The following TIMP2 variants were observed in gnomAD, a reference collection of about 807,000 sequenced individuals.
TIMP2 encodes the protein metalloproteinase inhibitor 2.
Under a neutral mutation model 24.3 loss-of-function variants are expected in TIMP2, and 5 were observed. The ratio of observed to expected loss-of-function variants is 0.21; its 90% CI spans 0.11 to 0.43. The LOEUF is 0.43. TIMP2 is among the 20% of genes least tolerant of loss of function. The probability of loss-of-function intolerance (pLI) is 1.00; values close to 1 mark genes in which losing one functional copy is unlikely to be tolerated. For missense variants in TIMP2, 221 were observed against 297.5 expected, an observed-to-expected ratio of 0.74 and a Z score of 1.89; for synonymous variants, 130 against 123.2, an observed-to-expected ratio of 1.06 and a Z score of -0.37.
At position 78,920,943 on chromosome 17, in the gene TIMP2, G is replaced by A. The variant is rs1354107497; in HGVS notation, c.130+4016C>T. On this transcript the variant is annotated intron_variant, in intron 1 of 4. Coordinates refer to ENST00000262768, the MANE Select transcript of TIMP2 (RefSeq NM_003255.5). The surrounding 1 kb of genome is among the most constrained non-coding windows in gnomAD (Gnocchi z 4.5). ...GGGCAGAGGCAGCCACTCCATAATT[G>A]CTTGTTGAAACACAGACAAGCCCAA... Among the ~76,000 whole-genome samples, 1 of 152,100 alleles carries A rather than the reference G, an allele frequency of 6.6e-6. No individual in the cohort carries two copies. Among genetic ancestry groups the A allele is most frequent in the Non-Finnish European group, 1.5e-5 (1 of 68,040 alleles).
intron 1 of TIMP2, among the ~76,000 whole-genome samples, chr17:78,917,362 G>A (rs943760529): frequency 7.9e-5 from 12 of 152,032 alleles, no homozygotes; most frequent in East Asian, 1.9e-4. Flanking sequence ...CCCGGGAGGC[G>A]GAGGTTGCAG....
At chr17:78,894,418 G>A (rs556666491) in intron 1 of TIMP2, among the ~76,000 whole-genome samples, 49 of 152,078 alleles carry the variant, frequency 3.2e-4, no homozygotes, top group Middle Eastern at 6.8e-3. Context: ...TTAGAATAGT[G>A]GTTAATATTA....
At chr17:78,885,409 C>T (rs533491047) in intron 1 of TIMP2, among the ~76,000 whole-genome samples, 147 of 152,352 alleles carry the variant, frequency 9.6e-4, no homozygotes, top group African/African-American at 3.4e-3. Flanking sequence ...ATCTGGGATC[C>T]TCACCGCTGC....
intron 3 of TIMP2, among the ~76,000 whole-genome samples, chr17:78,865,717 G>A (rs898771637): frequency 6.6e-6 from 1 of 151,894 alleles, no homozygotes. Context: ...GCTTGAACCC[G>A]GGAGGCAGAG....
In TIMP2 at chr17:78,882,536, G is replaced by A. The variant is rs578127663; in HGVS notation, c.131-8617C>T. Among the ~76,000 whole-genome samples, 235 of 152,360 alleles carry A rather than the reference G, an allele frequency of 1.5e-3. 9 individuals are homozygous for A. In the South Asian group the frequency reaches 0.047, roughly 30 times the overall value. On this transcript the variant is annotated intron_variant, in intron 1 of 4. Coordinates refer to ENST00000262768, the MANE Select transcript of TIMP2 (RefSeq NM_003255.5). ...TAAATGTTTGTGTGTAACTAATCTC[G>A]TTGGGCTTCAGGATCACAGTAAAGA...
rs770056235 is a variant in TIMP2 at position 78,857,630 on chromosome 17, G to A, written c.357C>T (p.Asp119=). ...EYLIAGKAEG[D]GKMHITLCDF... is the part of the protein sequence containing the mutation. ...CACAGAGGGTGATGTGCATCTTGCC[G>A]TCCCCCTCGGCCTTTCCTGCGGAGA... Residue 119 remains aspartate (D), a synonymous_variant, in exon 4 of 5, where the codon GAC becomes GAT. Transcript: ENST00000262768. 40 of 1,614,016 alleles carry A rather than the reference G, an allele frequency of 2.5e-5. No homozygotes were observed. The highest frequency in any genetic ancestry group is 1.8e-4 in the Admixed American group (11 of 59,996).
At chr17:78,911,938 CCTGAAATCCCAGCTA>C (rs2070212699) in intron 1 of TIMP2, among the ~76,000 whole-genome samples, 1 of 149,956 alleles carries the variant, frequency 6.7e-6, no homozygotes, top group African/African-American at 2.5e-5. Flanking sequence ...GTGGCACACG[CCTGAAATCCCAGCTA>C]CTGGGGAGGC....
chr17:78,860,005 A>G (rs576215496), intron 3 of TIMP2, among the ~76,000 whole-genome samples: 11 of 151,686 alleles, frequency 7.3e-5, no homozygotes, highest in Non-Finnish European at 1.2e-4. Flanking sequence ...ATAAATACAT[A>G]AAATAAAAAA....
chr17:78,894,831 C>G (rs1359234404), intron 1 of TIMP2, among the ~76,000 whole-genome samples: 1 of 151,962 alleles, frequency 6.6e-6, no homozygotes, highest in African/African-American at 2.4e-5. Flanking sequence ...AAAAAAAAAC[C>G]TTTGTGCTTC....
chr17:78,903,686 C>T lies in TIMP2; in HGVS notation c.130+21273G>A, dbSNP rs908771010. Among the ~76,000 whole-genome samples, 23 of 152,140 alleles carry T rather than the reference C, an allele frequency of 1.5e-4. 1 individual carries two copies. The highest frequency in any genetic ancestry group is 5.1e-4 in the African/African-American group (21 of 41,416). ...CACCTGCCCACACAGGAGGAGAAGC[C>T]ACACGTACTTGGCCTCGTTTGAGGG... is the stretch of plus-strand genomic sequence containing the variant. On this transcript the variant is annotated intron_variant, in intron 1 of 4. Coordinates refer to ENST00000262768, the MANE Select transcript of TIMP2 (RefSeq NM_003255.5).
intron 3 of TIMP2, among the ~76,000 whole-genome samples, chr17:78,860,166 ACT>A (rs748523635): frequency 9.9e-5 from 15 of 151,960 alleles, no homozygotes; most frequent in Non-Finnish European, 1.9e-4. Context: ...ACAGAGTAAG[ACT>A]CTGTCTTCAA....
At chr17:78,921,426 G>C (rs1008200606) in intron 1 of TIMP2, among the ~76,000 whole-genome samples, 1 of 152,230 alleles carries the variant, frequency 6.6e-6, no homozygotes, top group African/African-American at 2.4e-5. Context: ...CAAGCCAGAG[G>C]AGAGGTTTTA....
intron 1 of TIMP2, chr17:78,892,115 TCCAGG>T: frequency 6.4e-7 from 1 of 1,551,466 alleles, no homozygotes; most frequent in Non-Finnish European, 8.7e-7. Flanking sequence ...CTGCAGCCTG[TCCAGG>T]CCACCGACGT....
intron 1 of TIMP2, among the ~76,000 whole-genome samples, chr17:78,909,657 C>T (rs953248764): frequency 1.3e-5 from 2 of 152,132 alleles, no homozygotes; most frequent in African/African-American, 2.4e-5. Flanking sequence ...TGGTGACAAA[C>T]GTCCTCTGTA....
rs981356520 is a variant in TIMP2, at chr17:78,925,171, G to C, written c.-83C>G. ...GCGGCGGCGGGCTGGGGGCGCGGGCGGGGGCTGAGCCGGGGCCGAGGCGGG... is the reference window on the plus strand; with the variant it reads ...GCGGCGGCGGGCTGGGGGCGCGGGCCGGGGCTGAGCCGGGGCCGAGGCGGG... On this transcript the variant is annotated 5_prime_UTR_variant, in exon 1 of 5. Coordinates refer to ENST00000262768, the MANE Select transcript of TIMP2 (RefSeq NM_003255.5). The C allele has an allele frequency of 2.1e-5, 10 of 487,042 alleles. No homozygotes were observed. The highest frequency in any genetic ancestry group is 1.7e-4 in the African/African-American group (8 of 47,186). 30.2% of individuals were successfully genotyped at this position (487,042 alleles called of 1,614,324 possible).
At chr17:78,885,193 C>A (rs2069814929) in intron 1 of TIMP2, among the ~76,000 whole-genome samples, 1 of 152,246 alleles carries the variant, frequency 6.6e-6, no homozygotes, top group African/African-American at 2.4e-5. Flanking sequence ...GGAGAAGGAC[C>A]CACAAGGCAG....
At position 78,925,103 on chromosome 17, in the gene TIMP2, CT is replaced by C; in HGVS notation, c.-16del. 3 of 64,260 alleles carry C rather than the reference CT, an allele frequency of 4.7e-5. No homozygotes were observed. The highest frequency in any genetic ancestry group is 9.1e-5 in the Non-Finnish European group (3 of 33,132). The allele number at this position is 64,260 out of a possible 1,614,324, so 4.0% of individuals were successfully genotyped here. ...GCGGCGCCCATGGCGGGCCGGGGGG[CT>C]GGGCGGGCGGGGGCCGCCGCTGGGG... On this transcript the variant is annotated 5_prime_UTR_variant, in exon 1 of 5. Transcript: ENST00000262768.
At chr17:78,879,227 A>G (rs1200318892) in intron 1 of TIMP2, among the ~76,000 whole-genome samples, 1 of 152,214 alleles carries the variant, frequency 6.6e-6, no homozygotes, top group East Asian at 1.9e-4. Flanking sequence ...AGAGTTTCCA[A>G]TGCCCAGTGG....
At position 78,891,632 on chromosome 17, in the gene TIMP2, G is replaced by A. The variant is rs1173771463; in HGVS notation, c.131-17713C>T. Reference sequence around the variant, plus strand: ...CTGTCCCTGAGAGCGACTGGTCAGGGCTGGAACAAAGCAAACTGCCCCCTT... The same window carrying A: ...CTGTCCCTGAGAGCGACTGGTCAGGACTGGAACAAAGCAAACTGCCCCCTT... On this transcript the variant is annotated intron_variant, in intron 1 of 4. Transcript: ENST00000262768. This position sits in a 1 kb window ranked among gnomAD's most constrained non-coding sequence, Gnocchi z 4.5. 1 of 1,550,908 alleles carries A rather than the reference G, an allele frequency of 6.4e-7. No homozygotes were observed. Among genetic ancestry groups the A allele is most frequent in the East Asian group, 2.4e-5 (1 of 40,920 alleles).
Sources: gnomAD v4.1 joint callset for allele counts (sites outside exome capture counted in the v4.1 genomes callset) on GRCh38, gnomAD v4.1.1 for gene constraint, Gnocchi (gnomAD v3.1) non-coding constraint, MANE v1.5 for transcripts, NCBI Gene and HGNC (gene_info 2026-07-23, HGNC 2026-07-21) for gene names.